The following CTNNA3 variants were observed in gnomAD, a reference collection of about 807,000 sequenced individuals.
CTNNA3 encodes the protein catenin alpha-3.
Under a neutral mutation model 95.7 loss-of-function variants are expected in CTNNA3, and 76 were observed. The observed-to-expected ratio is 0.79, with a 90% confidence interval of 0.66 to 0.96. The LOEUF is 0.96. Among genes scored for constraint, CTNNA3 ranks in the 40% least tolerant of loss-of-function variants. CTNNA3 has a pLI of 0.00. For missense variants in CTNNA3, 1,191 were observed against 1,089.8 expected, an observed-to-expected ratio of 1.09 and a Z score of -1.31; for synonymous variants, 431 against 374.4, an observed-to-expected ratio of 1.15 and a Z score of -1.74.
intron 12 of CTNNA3, among the ~76,000 whole-genome samples, chr10:66,344,128 G>C (rs1214855710): frequency 6.6e-6 from 1 of 150,576 alleles, no homozygotes; most frequent in Non-Finnish European, 1.5e-5. Flanking sequence ...TCAGGAGGCT[G>C]AGGCAGGAGA....
chr10:66,066,043 A>G (rs918882715), intron 15 of CTNNA3, among the ~76,000 whole-genome samples: 1 of 151,910 alleles, frequency 6.6e-6, no homozygotes, highest in Non-Finnish European at 1.5e-5. Flanking sequence ...TTGTATTTTT[A>G]GTAGAGACAG....
rs189969543 is a variant in CTNNA3, at chr10:66,531,623, T to C, written c.1375-10850A>G. Among the ~76,000 whole-genome samples the C allele has an allele frequency of 1.2e-3, 181 of 152,296 alleles. 2 individuals are homozygous for C. The highest frequency in any genetic ancestry group is 6.8e-3 in the Middle Eastern group (2 of 292). On this transcript the variant is annotated intron_variant, in intron 10 of 17. Coordinates refer to ENST00000433211, the MANE Select transcript of CTNNA3 (RefSeq NM_013266.4). ...TAAAAGAATACTATACACAAATATATATACACACAGAATTTACAATTTTGT... is the reference window on the plus strand; with the variant it reads ...TAAAAGAATACTATACACAAATATACATACACACAGAATTTACAATTTTGT...
At chr10:66,382,958 A>G (rs2092854300) in intron 11 of CTNNA3, among the ~76,000 whole-genome samples, 1 of 152,226 alleles carries the variant, frequency 6.6e-6, no homozygotes, top group African/African-American at 2.4e-5. Context: ...ATCAAAGACC[A>G]AAGGTAGATA....
intron 11 of CTNNA3, among the ~76,000 whole-genome samples, chr10:66,433,973 G>C (rs1393431386): frequency 1.3e-5 from 2 of 152,166 alleles, no homozygotes; most frequent in African/African-American, 2.4e-5. Context: ...TGTTATTTCT[G>C]AGGCCTCTGT....
At chr10:66,358,074 C>T (rs540631681) in intron 12 of CTNNA3, among the ~76,000 whole-genome samples, 2 of 152,176 alleles carry the variant, frequency 1.3e-5, no homozygotes, top group Admixed American at 6.5e-5. Context: ...CTTTTAGTGT[C>T]CATGGTTCTG....
chr10:67,177,170 G>A (rs757146298), intron 7 of CTNNA3, among the ~76,000 whole-genome samples: 33 of 152,172 alleles, frequency 2.2e-4, no homozygotes, highest in Non-Finnish European at 4.3e-4. Flanking sequence ...GTCCGTTATA[G>A]ACCCATCTCA....
At chr10:65,948,016 G>A (rs746308067) in intron 17 of CTNNA3, among the ~76,000 whole-genome samples, 2 of 152,162 alleles carry the variant, frequency 1.3e-5, no homozygotes, top group African/African-American at 2.4e-5. Flanking sequence ...GGTGGCTTAC[G>A]CCTGTAATCC....
intron 7 of CTNNA3, among the ~76,000 whole-genome samples, chr10:66,802,866 G>C (rs558394518): frequency 1.3e-5 from 2 of 152,054 alleles, no homozygotes; most frequent in South Asian, 2.1e-4. Context: ...TTCTCAATGA[G>C]AGAAGACTTA....
chr10:67,727,130 A>C (rs186823055), intron 1 of CTNNA3, among the ~76,000 whole-genome samples: 2,553 of 122,144 alleles, frequency 0.021, 46 homozygotes, highest in Non-Finnish European at 0.032. Context: ...ATAATTATAT[A>C]ATATATGATA....
At chr10:66,762,675 G>A (rs1413988017) in intron 9 of CTNNA3, among the ~76,000 whole-genome samples, 2 of 151,564 alleles carry the variant, frequency 1.3e-5, no homozygotes, top group Non-Finnish European at 2.9e-5. Context: ...TTGTTTTTTT[G>A]AATTCCCCAG....
intron 2 of CTNNA3, among the ~76,000 whole-genome samples, chr10:67,611,260 A>T (rs541448654): frequency 1.3e-5 from 2 of 152,266 alleles, no homozygotes; most frequent in East Asian, 3.9e-4. Context: ...CAAGCCATCA[A>T]CTGTCATTAT....
intron 7 of CTNNA3, among the ~76,000 whole-genome samples, chr10:67,154,003 A>G (rs751404011): frequency 9.0e-4 from 137 of 152,252 alleles, no homozygotes; most frequent in Non-Finnish European, 1.1e-3. Context: ...CTTATAAAAT[A>G]TAATTATTTG....
intron 11 of CTNNA3, among the ~76,000 whole-genome samples, chr10:66,496,289 G>T (rs575359214): frequency 1.2e-4 from 18 of 151,966 alleles, no homozygotes; most frequent in African/African-American, 1.7e-4. Flanking sequence ...ATTAATAGGT[G>T]TCATAAGGAA....
intron 1 of CTNNA3, among the ~76,000 whole-genome samples, chr10:67,740,410 C>G (rs1394789604): frequency 6.6e-6 from 1 of 151,360 alleles, no homozygotes; most frequent in Non-Finnish European, 1.5e-5. Flanking sequence ...GCCTGCTCAT[C>G]TGACAAAGGG....
intron 9 of CTNNA3, among the ~76,000 whole-genome samples, chr10:66,642,894 G>A (rs964618683): frequency 2.0e-5 from 3 of 152,054 alleles, no homozygotes; most frequent in East Asian, 3.9e-4. Flanking sequence ...AAGTTCTAGC[G>A]ATTATTGTGA....
intron 5 of CTNNA3, among the ~76,000 whole-genome samples, chr10:67,254,856 C>T (rs1365085239): frequency 1.3e-5 from 2 of 152,124 alleles, no homozygotes; most frequent in East Asian, 3.9e-4. Flanking sequence ...ACACTCTATG[C>T]TGTTTTACAA....
chr10:66,013,364 T>C (rs1564577849), intron 15 of CTNNA3, among the ~76,000 whole-genome samples: 1 of 152,232 alleles, frequency 6.6e-6, no homozygotes, highest in Non-Finnish European at 1.5e-5. Flanking sequence ...TATAAGTCTA[T>C]ATAAGTTACA....
chr10:66,413,292 C>T (rs2132603887), intron 11 of CTNNA3, among the ~76,000 whole-genome samples: 1 of 152,160 alleles, frequency 6.6e-6, no homozygotes, highest in South Asian at 2.1e-4. Flanking sequence ...AGGTACCACT[C>T]CGGATTTACT....
chr10:67,641,961 A>G (rs1029270521), intron 2 of CTNNA3, among the ~76,000 whole-genome samples: 2 of 152,216 alleles, frequency 1.3e-5, no homozygotes, highest in Non-Finnish European at 2.9e-5. Flanking sequence ...TACATATGTA[A>G]CAAACCTGCA....
Sources: gnomAD v4.1 joint callset for allele counts (sites outside exome capture counted in the v4.1 genomes callset) on GRCh38, gnomAD v4.1.1 for gene constraint, MANE v1.5 for transcripts, NCBI Gene and HGNC (gene_info 2026-07-23, HGNC 2026-07-21) for gene names.